Variants in CMSS1 observed in about 807,000 individuals in gnomAD.
The protein encoded by CMSS1 is cms1 ribosomal small subunit homolog.
Under a neutral mutation model 43.5 loss-of-function variants are expected in CMSS1, and 33 were observed. That is an observed-to-expected ratio of 0.76 (90% CI 0.57 to 1.01). The LOEUF (loss-of-function observed/expected upper bound fraction) is 1.01, where lower values mean the gene tolerates loss of function less well. Ranked by LOEUF, CMSS1 falls within the 50% of genes least tolerant of loss-of-function variation. The probability of loss-of-function intolerance (pLI) is 0.00; values close to 1 mark genes in which losing one functional copy is unlikely to be tolerated. For missense variants in CMSS1, 313 were observed against 326.4 expected, an observed-to-expected ratio of 0.96 and a Z score of 0.32; for synonymous variants, 115 against 117.2, an observed-to-expected ratio of 0.98 and a Z score of 0.12.
intron 1 of CMSS1, among the ~76,000 whole-genome samples, chr3:99,891,838 C>T (rs140459818): frequency 1.9e-4 from 29 of 152,166 alleles, no homozygotes; most frequent in African/African-American, 7.0e-4. Context: ...ACATTGTGTC[C>T]AAGATAAGGT....
intron 1 of CMSS1, among the ~76,000 whole-genome samples, chr3:100,093,623 A>G (rs895154726): frequency 6.6e-6 from 1 of 152,180 alleles, no homozygotes; most frequent in African/African-American, 2.4e-5. Flanking sequence ...CAGTATATTT[A>G]CATTGATACA....
intron 1 of CMSS1, among the ~76,000 whole-genome samples, chr3:99,902,198 C>G (rs998287495): frequency 4.6e-5 from 7 of 152,128 alleles, no homozygotes; most frequent in African/African-American, 1.2e-4. Context: ...GTATTCGAGA[C>G]ATTCTTAGTA....
chr3:100,161,354 G>A (rs974387685), intron 3 of CMSS1, among the ~76,000 whole-genome samples: 3 of 152,074 alleles, frequency 2.0e-5, no homozygotes, highest in Admixed American at 6.5e-5. Context: ...CTTTAACTTC[G>A]CTTTGATAAT....
At chr3:100,142,224 T>A (rs2066811202) in intron 1 of CMSS1, among the ~76,000 whole-genome samples, 1 of 152,148 alleles carries the variant, frequency 6.6e-6, no homozygotes, top group Non-Finnish European at 1.5e-5. Context: ...CACACATCTT[T>A]AAAAATATGT....
chr3:99,857,730 T>C (rs1944038014), intron 1 of CMSS1, among the ~76,000 whole-genome samples: 1 of 152,236 alleles, frequency 6.6e-6, no homozygotes, highest in African/African-American at 2.4e-5. Context: ...ACTGTATTGT[T>C]TCTATTAGTT....
intron 1 of CMSS1, among the ~76,000 whole-genome samples, chr3:100,062,391 G>A (rs2065588430): frequency 1.3e-5 from 2 of 152,072 alleles, no homozygotes; most frequent in African/African-American, 4.8e-5. Flanking sequence ...GATTACAGGT[G>A]TGAGCCACCG....
At chr3:99,959,811 A>AT (rs1708440752) in intron 1 of CMSS1, among the ~76,000 whole-genome samples, 3 of 152,128 alleles carry the variant, frequency 2.0e-5, no homozygotes, top group South Asian at 4.1e-4. Flanking sequence ...TACTAATGTA[A>AT]TTTTTTTAGA....
At chr3:100,014,898 T>TTTTTTTTTTTTTTTTTTTTTTTTTTTTC in intron 1 of CMSS1, among the ~76,000 whole-genome samples, 1 of 110,410 alleles carries the variant, frequency 9.1e-6, no homozygotes, top group South Asian at 3.5e-4. Context: ...TTTCTTTCTT[T>TTTTTTTTTTTTTTTTTTTTTTTTTTTTC]TTTTTTTTTT....
chr3:99,981,619 C>T (rs758763983), intron 1 of CMSS1, among the ~76,000 whole-genome samples: 3 of 152,182 alleles, frequency 2.0e-5, no homozygotes, highest in South Asian at 2.1e-4. Context: ...TATGAATCCC[C>T]GTTTTGCAAG....
At position 99,837,404 on chromosome 3, in the gene CMSS1, A is replaced by G. The variant is rs181077676; in HGVS notation, c.64+19361A>G. Reference sequence around the variant, plus strand: ...ACACCATGAAAAGGCATAAGAATAGAAGAAGAATAGCTTTTTCTAGTTAAA... The same window carrying G: ...ACACCATGAAAAGGCATAAGAATAGGAGAAGAATAGCTTTTTCTAGTTAAA... On this transcript the variant is annotated intron_variant, in intron 1 of 9. Transcript: ENST00000421999. Among the ~76,000 whole-genome samples, 576 of 152,234 alleles carry G rather than the reference A, an allele frequency of 3.8e-3. 3 individuals are homozygous for G. Among genetic ancestry groups the G allele is most frequent in the African/African-American group, 0.013 (548 of 41,536 alleles).
At chr3:99,964,596 A>G (rs1197807534) in intron 1 of CMSS1, among the ~76,000 whole-genome samples, 2 of 151,990 alleles carry the variant, frequency 1.3e-5, no homozygotes, top group Non-Finnish European at 2.9e-5. Flanking sequence ...AGGTTCTTGT[A>G]GTGATCTTCT....
chr3:100,066,511 T>C (rs2065665876), intron 1 of CMSS1, among the ~76,000 whole-genome samples: 1 of 131,062 alleles, frequency 7.6e-6, no homozygotes, highest in Non-Finnish European at 1.7e-5. Flanking sequence ...GTGGAAGGCT[T>C]TGCTTCTTTT....
chr3:99,864,300 G>A (rs984641173), intron 1 of CMSS1, among the ~76,000 whole-genome samples: 2 of 152,094 alleles, frequency 1.3e-5, no homozygotes, highest in African/African-American at 4.8e-5. Flanking sequence ...TGGTACTAGA[G>A]TGTGAGACTT....
At chr3:99,995,181 G>T (rs936899432) in intron 1 of CMSS1, among the ~76,000 whole-genome samples, 5 of 152,150 alleles carry the variant, frequency 3.3e-5, no homozygotes, top group African/African-American at 1.2e-4. Context: ...ATACAATGTG[G>T]GTACAGGTAT....
chr3:100,011,399 T>G (rs1710152628), intron 1 of CMSS1, among the ~76,000 whole-genome samples: 1 of 152,166 alleles, frequency 6.6e-6, no homozygotes, highest in Non-Finnish European at 1.5e-5. Flanking sequence ...ATGTTTTCTT[T>G]TAGAGACTAA....
At chr3:100,096,714 T>C (rs2066215977) in intron 1 of CMSS1, among the ~76,000 whole-genome samples, 1 of 150,944 alleles carries the variant, frequency 6.6e-6, no homozygotes, top group Admixed American at 6.6e-5. Flanking sequence ...CACAACAGAG[T>C]GACTACAGTC....
At chr3:100,085,086 A>G (rs2065986980) in intron 1 of CMSS1, among the ~76,000 whole-genome samples, 2 of 152,216 alleles carry the variant, frequency 1.3e-5, no homozygotes, top group South Asian at 2.1e-4. Context: ...CGTATCCCCT[A>G]AAGTGGTGGT....
chr3:99,833,316 A>T (rs1020178522), intron 1 of CMSS1: 6 of 1,474,356 alleles, frequency 4.1e-6, no homozygotes, highest in Non-Finnish European at 5.7e-6. Context: ...TAAATTCTAA[A>T]AGTGTTGGTT....
intron 1 of CMSS1, among the ~76,000 whole-genome samples, chr3:99,862,109 G>A (rs1944291469): frequency 6.6e-6 from 1 of 152,200 alleles, no homozygotes; most frequent in South Asian, 2.1e-4. Flanking sequence ...TGATAAGTAT[G>A]TAAGGTAACA....
Sources: gnomAD v4.1 joint callset for allele counts (sites outside exome capture counted in the v4.1 genomes callset) on GRCh38, gnomAD v4.1.1 for gene constraint, MANE v1.5 for transcripts, NCBI Gene and HGNC (gene_info 2026-07-23, HGNC 2026-07-21) for gene names.